Variants in CSMD3 observed in about 807,000 individuals in gnomAD.
The protein encoded by CSMD3 is CUB and sushi domain-containing protein 3.
Under a neutral mutation model 435.2 loss-of-function variants are expected in CSMD3, and 177 were observed. The ratio of observed to expected loss-of-function variants is 0.41; its 90% CI spans 0.36 to 0.46. The LOEUF (loss-of-function observed/expected upper bound fraction) is 0.46, where lower values mean the gene tolerates loss of function less well. Among genes scored for constraint, CSMD3 ranks in the 20% least tolerant of loss-of-function variants. The probability of loss-of-function intolerance (pLI) is 0.34; values close to 1 mark genes in which losing one functional copy is unlikely to be tolerated. For missense variants in CSMD3, 4,265 were observed against 4,504.6 expected, an observed-to-expected ratio of 0.95 and a Z score of 1.52; for synonymous variants, 1,656 against 1,520.5, an observed-to-expected ratio of 1.09 and a Z score of -2.07.
intron 59 of CSMD3, among the ~76,000 whole-genome samples, chr8:112,276,735 G>A (rs1586625711): frequency 1.3e-5 from 2 of 152,140 alleles, no homozygotes; most frequent in Non-Finnish European, 1.5e-5. Context: ...CTGCCTGGAC[G>A]TACAGGCATG....
At chr8:112,744,463 A>T (rs1161329279) in intron 13 of CSMD3, among the ~76,000 whole-genome samples, 2 of 152,058 alleles carry the variant, frequency 1.3e-5, no homozygotes, top group Non-Finnish European at 2.9e-5. Context: ...TTTAAAATAC[A>T]GTATTTATCT....
chr8:113,320,066 G>A (rs896880323), intron 1 of CSMD3, among the ~76,000 whole-genome samples: 2 of 151,946 alleles, frequency 1.3e-5, no homozygotes, highest in African/African-American at 4.8e-5. Flanking sequence ...AGGACATTTA[G>A]GCCATTGCTA....
intron 11 of CSMD3, among the ~76,000 whole-genome samples, chr8:112,844,127 A>C (rs573898428): frequency 2.8e-4 from 42 of 151,968 alleles, no homozygotes; most frequent in Non-Finnish European, 5.6e-4. Flanking sequence ...TTAAGTGAGA[A>C]GATACATAAA....
chr8:113,032,916 G>C (rs1430782886), intron 5 of CSMD3, among the ~76,000 whole-genome samples: 1 of 151,498 alleles, frequency 6.6e-6, no homozygotes, highest in Non-Finnish European at 1.5e-5. Context: ...TAAAGCTCCA[G>C]CCATGCCTAA....
chr8:113,364,553 G>A (rs561299188), intron 1 of CSMD3, among the ~76,000 whole-genome samples: 204 of 152,016 alleles, frequency 1.3e-3, no homozygotes, highest in African/African-American at 4.8e-3. Flanking sequence ...TATATAAAAG[G>A]ATTAAAAAGA....
At chr8:113,084,772 T>A (rs1331479113) in intron 5 of CSMD3, among the ~76,000 whole-genome samples, 1 of 151,788 alleles carries the variant, frequency 6.6e-6, no homozygotes, top group Non-Finnish European at 1.5e-5. Flanking sequence ...GATACGTAGA[T>A]CAATAAAACA....
At chr8:112,991,378 T>C (rs771771989) in intron 6 of CSMD3, among the ~76,000 whole-genome samples, 4 of 151,816 alleles carry the variant, frequency 2.6e-5, no homozygotes, top group Non-Finnish European at 5.9e-5. Flanking sequence ...ATCCCCCATT[T>C]ATGCTGTGTA....
chr8:112,876,617 C>T (rs761285246), intron 10 of CSMD3, among the ~76,000 whole-genome samples: 16 of 151,942 alleles, frequency 1.1e-4, no homozygotes, highest in South Asian at 2.1e-4. Context: ...AAAAGGCCTT[C>T]GATAAAATTC....
At chr8:112,623,239 A>G (rs1306749305) in intron 22 of CSMD3, among the ~76,000 whole-genome samples, 6 of 152,154 alleles carry the variant, frequency 3.9e-5, no homozygotes, top group Non-Finnish European at 8.8e-5. Context: ...ACTTAAGCCC[A>G]AAACAGATTT....
intron 5 of CSMD3, among the ~76,000 whole-genome samples, chr8:113,037,253 T>A (rs1005936925): frequency 4.6e-5 from 7 of 152,124 alleles, no homozygotes; most frequent in African/African-American, 1.7e-4. Context: ...GCAGTTTAAG[T>A]ACTAATCTTA....
chr8:112,847,264 C>A (rs1442631790), intron 11 of CSMD3, among the ~76,000 whole-genome samples: 1 of 152,056 alleles, frequency 6.6e-6, no homozygotes, highest in East Asian at 1.9e-4. Context: ...GCATTTGTCT[C>A]TAAACGTGTA....
At chr8:112,245,956 A>C (rs1388267578) in intron 64 of CSMD3, among the ~76,000 whole-genome samples, 1 of 152,202 alleles carries the variant, frequency 6.6e-6, no homozygotes. Context: ...TTATGGACAC[A>C]TTAGAAACTT....
chr8:112,771,400 A>G, intron 13 of CSMD3, among the ~76,000 whole-genome samples: 1 of 151,934 alleles, frequency 6.6e-6, no homozygotes, highest in Non-Finnish European at 1.5e-5. Flanking sequence ...TTAGCCAGAC[A>G]TGGTGGCAAA....
intron 3 of CSMD3, among the ~76,000 whole-genome samples, chr8:113,259,728 T>C (rs2093411848): frequency 1.3e-5 from 2 of 152,072 alleles, no homozygotes; most frequent in Admixed American, 1.3e-4. Flanking sequence ...GAAAATGCTT[T>C]AAGGAGTGTT....
intron 23 of CSMD3, among the ~76,000 whole-genome samples, chr8:112,586,530 A>T (rs1304568129): frequency 6.6e-6 from 1 of 151,454 alleles, no homozygotes; most frequent in East Asian, 1.9e-4. Flanking sequence ...AGTCATTATC[A>T]ACAAAGTATA....
chr8:113,270,680 A>G (rs1220200318), intron 3 of CSMD3, among the ~76,000 whole-genome samples: 1 of 152,158 alleles, frequency 6.6e-6, no homozygotes, highest in East Asian at 1.9e-4. Context: ...TTGTAGGGAC[A>G]TGGATGAAGC....
chr8:113,337,179 G>C (rs1366565111), intron 1 of CSMD3, among the ~76,000 whole-genome samples: 1 of 152,086 alleles, frequency 6.6e-6, no homozygotes, highest in Non-Finnish European at 1.5e-5. Context: ...GGAAATTCCA[G>C]AGAACTAGCA....
intron 1 of CSMD3, among the ~76,000 whole-genome samples, chr8:113,394,809 T>A (rs980730046): frequency 7.3e-5 from 11 of 151,696 alleles, no homozygotes; most frequent in South Asian, 4.1e-4. Context: ...AAAAAAAAAA[T>A]TTAACTATGT....
chr8:113,167,402 T>A (rs1235505526), intron 4 of CSMD3, among the ~76,000 whole-genome samples: 2 of 152,146 alleles, frequency 1.3e-5, no homozygotes, highest in Non-Finnish European at 2.9e-5. Context: ...GTTTTTGACA[T>A]AAGAAATAAC....
Sources: allele counts gnomAD v4.1 joint callset (sites outside exome capture counted in the v4.1 genomes callset), GRCh38; gene constraint gnomAD v4.1.1; transcripts MANE v1.5; gene names NCBI Gene and HGNC (gene_info 2026-07-23, HGNC 2026-07-21).